The following TUSC3 variants were observed in gnomAD, a reference collection of about 807,000 sequenced individuals.
TUSC3 encodes dolichyl-diphosphooligosaccharide--protein glycosyltransferase subunit TUSC3.
Under a neutral mutation model 44.8 loss-of-function variants are expected in TUSC3, and 45 were observed. The ratio of observed to expected loss-of-function variants is 1.00; its 90% CI spans 0.79 to 1.29. The LOEUF (loss-of-function observed/expected upper bound fraction) is 1.29. Ranked by LOEUF, TUSC3 falls within the 50% of genes most tolerant of loss-of-function variation. The pLI is 0.00. For missense variants in TUSC3, 519 were observed against 437.9 expected, an observed-to-expected ratio of 1.19 and a Z score of -1.65; for synonymous variants, 212 against 152.9, an observed-to-expected ratio of 1.39 and a Z score of -2.85.
intron 6 of TUSC3, among the ~76,000 whole-genome samples, chr8:15,675,497 A>T (rs1808146471): frequency 6.6e-6 from 1 of 151,278 alleles, no homozygotes; most frequent in South Asian, 2.1e-4. Context: ...TGTGCAGGTT[A>T]GTTACATTGG....
rs141154580 is a variant in TUSC3, at chr8:15,673,036, T to G, written c.709-711T>G. Reference sequence around the variant, plus strand: ...ATTAACTTTAAAATATTTTGTGATTTAAACAAAACATGCTGACACCTCAGT... The same window carrying G: ...ATTAACTTTAAAATATTTTGTGATTGAAACAAAACATGCTGACACCTCAGT... On this transcript the variant is annotated intron_variant, in intron 5 of 10. Coordinates refer to ENST00000503731, the MANE Select transcript of TUSC3 (RefSeq NM_006765.4). Among the ~76,000 whole-genome samples, 377 of 152,162 alleles carry G rather than the reference T, an allele frequency of 2.5e-3. 2 individuals carry two copies. The highest frequency in any genetic ancestry group is 8.7e-3 in the African/African-American group (361 of 41,544).
At chr8:15,657,481 A>G (rs756401185) in intron 3 of TUSC3, among the ~76,000 whole-genome samples, 1 of 152,114 alleles carries the variant, frequency 6.6e-6, no homozygotes, top group Non-Finnish European at 1.5e-5. Context: ...CTTTTTTTCC[A>G]GATTTCAATA....
intron 1 of TUSC3, among the ~76,000 whole-genome samples, chr8:15,573,026 C>T (rs1802936549): frequency 6.6e-6 from 1 of 151,866 alleles, no homozygotes; most frequent in African/African-American, 2.4e-5. Context: ...GGAAAAATGA[C>T]ACCCATAGAG....
chr8:15,575,795 G>T (rs1803076911), intron 1 of TUSC3, among the ~76,000 whole-genome samples: 1 of 151,966 alleles, frequency 6.6e-6, no homozygotes, highest in East Asian at 1.9e-4. Context: ...CTTCTGAGAT[G>T]TACTTTTGCA....
chr8:15,821,959 T>C, the TUSC3 span, among the ~76,000 whole-genome samples: 3 of 152,182 alleles, frequency 2.0e-5, no homozygotes, highest in African/African-American at 7.2e-5. Flanking sequence ...GGGATGCCGT[T>C]GCACATCTCC....
At chr8:15,429,184 A>C (rs1281160392) in intron 1 of TUSC3, among the ~76,000 whole-genome samples, 7 of 152,200 alleles carry the variant, frequency 4.6e-5, no homozygotes, top group East Asian at 1.9e-4. Context: ...AGCTTTCTAC[A>C]TATGGCTAGC....
upstream of TUSC3, among the ~76,000 whole-genome samples, chr8:15,539,997 C>T (rs1173357455): frequency 1.3e-5 from 2 of 152,304 alleles, no homozygotes; most frequent in East Asian, 3.9e-4. Context: ...TCCCCTTCAT[C>T]ATCCAAGAAG....
At chr8:15,512,872 G>GTGTGTATATATATATATA (rs761482107) in intron 2 of TUSC3, among the ~76,000 whole-genome samples, 4 of 132,284 alleles carry the variant, frequency 3.0e-5, no homozygotes, top group Non-Finnish European at 6.1e-5. Context: ...ATATGTGTGT[G>GTGTGTATATATATATATA]TATATATATA....
the TUSC3 span, among the ~76,000 whole-genome samples, chr8:15,832,016 A>T: frequency 6.6e-6 from 1 of 152,186 alleles, no homozygotes; most frequent in African/African-American, 2.4e-5. Context: ...TCAAAATGAA[A>T]AAACAGTATG....
intron 9 of TUSC3, among the ~76,000 whole-genome samples, chr8:15,755,515 T>G (rs1002313154): frequency 3.3e-5 from 5 of 152,124 alleles, no homozygotes; most frequent in Non-Finnish European, 5.9e-5. Flanking sequence ...TTGATGAGCT[T>G]AGTTGGGCTC....
At chr8:15,838,114 C>A in the TUSC3 span, among the ~76,000 whole-genome samples, 3 of 152,162 alleles carry the variant, frequency 2.0e-5, no homozygotes, top group Non-Finnish European at 4.4e-5. Context: ...CCACCTCCTG[C>A]GAATATCACT....
chr8:15,730,612 A>G, intron 6 of TUSC3, 54 bp from the exon 7 acceptor site: 3 of 1,572,046 alleles, frequency 1.9e-6, no homozygotes. Flanking sequence ...TTAAAACTAC[A>G]AAATAATTAT....
chr8:15,473,461 G>C (rs956475734), intron 1 of TUSC3, among the ~76,000 whole-genome samples: 1 of 152,174 alleles, frequency 6.6e-6, no homozygotes, highest in Non-Finnish European at 1.5e-5. Flanking sequence ...TTGTTCCATT[G>C]TCACTCAAAG....
intron 5 of TUSC3, among the ~76,000 whole-genome samples, chr8:15,666,812 G>C (rs1405045999): frequency 4.6e-5 from 7 of 151,288 alleles, no homozygotes; most frequent in Non-Finnish European, 8.9e-5. Flanking sequence ...TGGCCATTTG[G>C]AGTTAGTTAT....
At chr8:15,481,716 T>C (rs1800663760) in intron 1 of TUSC3, among the ~76,000 whole-genome samples, 1 of 152,196 alleles carries the variant, frequency 6.6e-6, no homozygotes, top group Non-Finnish European at 1.5e-5. Flanking sequence ...GTACATACCT[T>C]AATTTTAAAA....
chr8:15,768,522 A>T (rs190690135), downstream of TUSC3, among the ~76,000 whole-genome samples: 1 of 152,204 alleles, frequency 6.6e-6, no homozygotes, highest in East Asian at 1.9e-4. Flanking sequence ...AATGTCTTCA[A>T]CCTACTCAAA....
At chr8:15,477,235 AT>A (rs1392114102) in intron 1 of TUSC3, among the ~76,000 whole-genome samples, 40 of 152,208 alleles carry the variant, frequency 2.6e-4, no homozygotes, top group Non-Finnish European at 2.6e-4. Flanking sequence ...ACCAAATTCC[AT>A]TTAGTTGTCT....
chr8:15,827,220 G>T, the TUSC3 span, among the ~76,000 whole-genome samples: 1 of 152,158 alleles, frequency 6.6e-6, no homozygotes, highest in African/African-American at 2.4e-5. Context: ...GTAAAAAGGA[G>T]CATGTGATCT....
At chr8:15,761,467 A>G (rs912807467) in intron 10 of TUSC3, among the ~76,000 whole-genome samples, 2 of 152,172 alleles carry the variant, frequency 1.3e-5, no homozygotes, top group African/African-American at 4.8e-5. Flanking sequence ...CCTTCTATCT[A>G]TCTTATCCCT....
Sources: allele counts gnomAD v4.1 joint callset (sites outside exome capture counted in the v4.1 genomes callset), GRCh38; gene constraint gnomAD v4.1.1; transcripts MANE v1.5; gene names NCBI Gene and HGNC (gene_info 2026-07-23, HGNC 2026-07-21).